The following PUDP variants were observed in gnomAD, a reference collection of about 807,000 sequenced individuals.
PUDP encodes pseudouridine-5'-phosphatase.
A neutral mutation model predicts 9.4 loss-of-function variants in PUDP; 8 were observed. That is an observed-to-expected ratio of 0.85 (90% confidence interval 0.50 to 1.53). The LOEUF (loss-of-function observed/expected upper bound fraction) is 1.53. PUDP is among the 40% of genes most tolerant of loss of function. The pLI, the probability that PUDP is intolerant of heterozygous loss-of-function variation, is 0.00. For missense variants in PUDP, 188 were observed against 189.7 expected, an observed-to-expected ratio of 0.99 and a Z score of 0.05; for synonymous variants, 99 against 80.7, an observed-to-expected ratio of 1.23 and a Z score of -1.22.
intron 3 of PUDP, among the ~76,000 whole-genome samples, chrX:6,867,884 C>T (rs1927114141): frequency 9.0e-6 from 1 of 111,460 alleles, no homozygotes; most frequent in South Asian, 3.8e-4. Flanking sequence ...AGTATAATTC[C>T]ATGATGGAGG....
At chrX:7,064,970 G>A (rs1930507424) in intron 3 of PUDP, among the ~76,000 whole-genome samples, 1 of 111,472 alleles carries the variant, frequency 9.0e-6, no homozygotes. Flanking sequence ...GAATTCTGGT[G>A]TAGTAAAACA....
At chrX:7,008,592 G>T (rs769115682) in intron 1 of PUDP, among the ~76,000 whole-genome samples, 2 of 111,381 alleles carry the variant, frequency 1.8e-5, no homozygotes, top group South Asian at 7.7e-4. Flanking sequence ...ACTTATAAGG[G>T]TGTTTCTTGC....
intron 3 of PUDP, among the ~76,000 whole-genome samples, chrX:6,727,472 C>T (rs976940082): frequency 9.8e-5 from 11 of 112,089 alleles, no homozygotes; most frequent in Admixed American, 9.5e-5. Context: ...AGGATCTTGA[C>T]TTCAAAGAAG....
intron 3 of PUDP, among the ~76,000 whole-genome samples, chrX:7,062,440 G>A (rs764933651): frequency 3.6e-5 from 4 of 111,853 alleles, no homozygotes; most frequent in East Asian, 2.8e-4. Flanking sequence ...AGGCATAATC[G>A]CACATGATGT....
At chrX:6,751,522 C>T (rs1925083954) in intron 3 of PUDP, among the ~76,000 whole-genome samples, 1 of 111,636 alleles carries the variant, frequency 9.0e-6, no homozygotes, top group East Asian at 2.8e-4. Context: ...ATGAAAAATA[C>T]CAGATATTTC....
intron 1 of PUDP, among the ~76,000 whole-genome samples, chrX:6,717,521 T>G (rs371669355): frequency 8.9e-6 from 1 of 111,957 alleles, no homozygotes; most frequent in South Asian, 3.8e-4. Context: ...AGACTCCTCC[T>G]GGAAGCACTT....
At chrX:7,004,232 A>G (rs1361732383) in intron 1 of PUDP, among the ~76,000 whole-genome samples, 1 of 112,039 alleles carries the variant, frequency 8.9e-6, no homozygotes, top group Non-Finnish European at 1.9e-5. Flanking sequence ...ATAAATAAAC[A>G]GAAATTATTT....
intron 3 of PUDP, among the ~76,000 whole-genome samples, chrX:6,745,224 T>C (rs1052254146): frequency 8.9e-6 from 1 of 111,919 alleles, no homozygotes; most frequent in Non-Finnish European, 1.9e-5. Context: ...AACTGAATTC[T>C]CTCTGGCACT....
intron 1 of PUDP, among the ~76,000 whole-genome samples, chrX:7,003,647 A>AT (rs1192575695): frequency 9.0e-6 from 1 of 111,536 alleles, no homozygotes; most frequent in Non-Finnish European, 1.9e-5. Flanking sequence ...AAAGGAAGGA[A>AT]TTTTTTTCTC....
intron 3 of PUDP, among the ~76,000 whole-genome samples, chrX:6,789,734 G>A (rs72609549): frequency 0.21 from 23,297 of 110,179 alleles, 1,836 homozygotes; most frequent in Admixed American, 0.28. Flanking sequence ...TAGAAGTTTT[G>A]TTTATTTAAG....
chrX:6,805,399 G>A (rs1452151386), intron 3 of PUDP, among the ~76,000 whole-genome samples: 1 of 111,721 alleles, frequency 9.0e-6, no homozygotes, highest in Non-Finnish European at 1.9e-5. Context: ...GTCCGCTTGA[G>A]GGTCCTAAGG....
intron 3 of PUDP, among the ~76,000 whole-genome samples, chrX:6,751,504 C>G (rs1925083629): frequency 9.0e-6 from 1 of 111,706 alleles, no homozygotes; most frequent in East Asian, 2.8e-4. Context: ...TTCATCAGTA[C>G]TTGAGCAATG....
intron 2 of PUDP, among the ~76,000 whole-genome samples, chrX:7,093,657 G>A (rs771711251): frequency 4.5e-5 from 5 of 111,824 alleles, no homozygotes; most frequent in East Asian, 2.8e-4. Context: ...CACCCCTCCC[G>A]GAGGGACAGT....
intron 3 of PUDP, among the ~76,000 whole-genome samples, chrX:6,805,212 G>C (rs1394552784): frequency 1.8e-5 from 2 of 111,569 alleles, no homozygotes; most frequent in Admixed American, 9.5e-5. Flanking sequence ...CGAGGCTGCA[G>C]TGAGCTGTGA....
intron 3 of PUDP, among the ~76,000 whole-genome samples, chrX:6,777,509 C>T (rs757058111): frequency 8.9e-6 from 1 of 112,345 alleles, no homozygotes; most frequent in Non-Finnish European, 1.9e-5. Context: ...CTTTACTATT[C>T]ACATATGCAT....
chrX:6,772,463 A>G (rs1327147875), intron 3 of PUDP, among the ~76,000 whole-genome samples: 1 of 110,629 alleles, frequency 9.0e-6, no homozygotes, highest in Non-Finnish European at 1.9e-5. Flanking sequence ...ATCATTCTCC[A>G]TCACCTCAAC....
At position 7,113,416 on chromosome X, in the gene PUDP, G is replaced by A. The variant is rs748140339; in HGVS notation, c.62-7578C>T. ...AGCTCAAACAAAGATGGAGGCCATG[G>A]TGTGGGCGAGTGCGGGGCTGGTGCC... On this transcript the variant is annotated intron_variant, in intron 1 of 3. Transcript: ENST00000381077. The A allele has an allele frequency of 8.7e-4, 99 of 114,161 alleles. 2 individuals are homozygous for A. Among genetic ancestry groups the A allele is most frequent in the Middle Eastern group, 4.6e-3 (1 of 219 alleles). The allele number at this position is 114,161 out of a possible 1,213,427, so 9.4% of individuals were successfully genotyped here.
chrX:7,027,745 G>T, intron 1 of PUDP, among the ~76,000 whole-genome samples: 1 of 93,909 alleles, frequency 1.1e-5, no homozygotes, highest in African/African-American at 3.9e-5. Context: ...TCTATATATA[G>T]ACTATATATA....
At chrX:6,720,148 A>G (rs1021940879) in intron 1 of PUDP, among the ~76,000 whole-genome samples, 4 of 102,728 alleles carry the variant, frequency 3.9e-5, no homozygotes, top group Non-Finnish European at 7.9e-5. Context: ...GTGTATATAT[A>G]TGTGTGTATA....
Sources: gnomAD v4.1 joint callset for allele counts (sites outside exome capture counted in the v4.1 genomes callset) on GRCh38, gnomAD v4.1.1 for gene constraint, MANE v1.5 for transcripts, NCBI Gene and HGNC (gene_info 2026-07-23, HGNC 2026-07-21) for gene names.